The following ZNF519 variants were observed in gnomAD, a reference collection of about 807,000 sequenced individuals.
ZNF519 encodes the protein similar to Zinc finger protein 85 (Zinc finger protein HPF4) (HTF1).
Under a neutral mutation model 7.4 loss-of-function variants are expected in ZNF519, and 7 were observed. That is an observed-to-expected ratio of 0.94 (90% CI 0.54 to 1.77). The LOEUF is 1.77. ZNF519 is among the 40% of genes most tolerant of loss of function. The pLI is 0.00. For missense variants in ZNF519, 586 were observed against 623.1 expected, an observed-to-expected ratio of 0.94 and a Z score of 0.63; for synonymous variants, 179 against 203.3, an observed-to-expected ratio of 0.88 and a Z score of 1.02.
intron 2 of ZNF519, among the ~76,000 whole-genome samples, chr18:14,119,588 C>T (rs929022870): frequency 6.6e-6 from 1 of 152,090 alleles, no homozygotes; most frequent in Admixed American, 6.5e-5. Flanking sequence ...CTAATAAATG[C>T]ATTTATTAAA....
downstream of ZNF519, chr18:14,073,135 T>C (rs1273029400): frequency 6.6e-6 from 1 of 152,194 alleles, no homozygotes; most frequent in East Asian, 1.9e-4. Context: ...TATTACATGA[T>C]GATCAAACTG....
intron 2 of ZNF519, among the ~76,000 whole-genome samples, chr18:14,091,969 C>A (rs1472614959): frequency 2.0e-5 from 3 of 152,014 alleles, no homozygotes; most frequent in African/African-American, 7.3e-5. Flanking sequence ...GTGAAGGCCA[C>A]CAAGGGTCAG....
At chr18:14,114,084 A>G (rs1019378229) in intron 2 of ZNF519, among the ~76,000 whole-genome samples, 1 of 151,842 alleles carries the variant, frequency 6.6e-6, no homozygotes, top group African/African-American at 2.4e-5. Context: ...TCCATTTGGT[A>G]TGTTGTCTCT....
intron 2 of ZNF519, among the ~76,000 whole-genome samples, chr18:14,085,683 C>A (rs1456820794): frequency 6.6e-6 from 1 of 152,206 alleles, no homozygotes; most frequent in Non-Finnish European, 1.5e-5. Context: ...AGAAACACAA[C>A]CCACAGGAGG....
rs1178204388 is a variant in ZNF519, at chr18:14,105,900, A to G, written c.640T>C (p.Cys214Arg). 4 of 1,609,886 alleles carry G rather than the reference A, an allele frequency of 2.5e-6. No homozygotes were observed. In the South Asian group the frequency reaches 4.5e-5, roughly 18 times the overall value. Residue 214 changes from cysteine to arginine, a missense_variant, in exon 3 of 3, where the codon TGT becomes CGT. By Grantham distance (180) the Cys-to-Arg change is radical. Transcript: ENST00000590202. ...GAGAATGGGTCAGAAGTTTCACCAC[A>G]TTCATTAGAGTTGTAAGGCTTTTTT... is the stretch of plus-strand genomic sequence containing the variant. ...IQKKPYNSNE[C>R]GETSDPFSKL...
intron 2 of ZNF519, among the ~76,000 whole-genome samples, chr18:14,108,411 G>A (rs1348361962): frequency 6.6e-6 from 1 of 152,056 alleles, no homozygotes; most frequent in Non-Finnish European, 1.5e-5. Context: ...GAACCAGTCA[G>A]CATGCATTCC....
chr18:14,106,182 C>A lies in ZNF519; in HGVS notation c.358G>T (p.Glu120Ter), dbSNP rs1321808650. The change falls in exon 3 of 3, where the codon GAA becomes TAA. Residue 120 changes from glutamate to a stop codon, truncating the protein, a stop_gained. Transcript: ENST00000590202. LOFTEE classifies it low-confidence loss of function (END_TRUNC). ...NKHLTVKGDK[E>*]YRIFQKKPQF... ...GGCTTCTTCTGAAATATTCTATATT[C>A]TTTGTCTCCTTTCACAGTTAAATGT... 1 of 1,612,318 alleles carries A rather than the reference C, an allele frequency of 6.2e-7. No individual in the cohort carries two copies. The highest frequency in any genetic ancestry group is 8.5e-7 in the Non-Finnish European group (1 of 1,179,566).
At chr18:14,129,531 G>A (rs1807785808) in intron 1 of ZNF519, among the ~76,000 whole-genome samples, 1 of 152,140 alleles carries the variant, frequency 6.6e-6, no homozygotes, top group Non-Finnish European at 1.5e-5. Context: ...CGACAAGCCT[G>A]TGTGCAGAAC....
chr18:14,106,589 G>T, intron 2 of ZNF519, 180 bp from the exon 3 acceptor site: 1 of 450,084 alleles, frequency 2.2e-6, no homozygotes. Context: ...CCCCTGCAAG[G>T]TCACCAATTT....
chr18:14,099,597 T>C (rs550316378), downstream of ZNF519, among the ~76,000 whole-genome samples: 1 of 152,358 alleles, frequency 6.6e-6, no homozygotes, highest in South Asian at 2.1e-4. Flanking sequence ...ATACAAGAGA[T>C]GTTCATCCTA....
At chr18:14,099,644 A>AT (rs749653282), downstream of ZNF519, among the ~76,000 whole-genome samples, 4 of 152,212 alleles carry the variant, frequency 2.6e-5, no homozygotes, top group Non-Finnish European at 4.4e-5. Flanking sequence ...AGGCCATGAT[A>AT]TTTTAACACA....
intron 1 of ZNF519, among the ~76,000 whole-genome samples, chr18:14,130,385 T>C (rs1323932705): frequency 1.3e-5 from 2 of 152,170 alleles, no homozygotes; most frequent in Non-Finnish European, 2.9e-5. Context: ...TCTAATCTTA[T>C]TTGCTCTTTC....
chr18:14,113,761 G>A (rs1439948046), intron 2 of ZNF519, among the ~76,000 whole-genome samples: 1 of 149,576 alleles, frequency 6.7e-6, no homozygotes, highest in African/African-American at 2.5e-5. Context: ...TCCCCACCAA[G>A]AGAGTACTAG....
intron 3 of ZNF519, among the ~76,000 whole-genome samples, chr18:14,084,015 C>A (rs2046080234): frequency 6.6e-6 from 1 of 152,128 alleles, no homozygotes; most frequent in Admixed American, 6.5e-5. Context: ...CCCCAAATGG[C>A]CTCTTCACAG....
chr18:14,078,100 G>A (rs2046055485), intron 4 of ZNF519: 1 of 152,178 alleles, frequency 6.6e-6, no homozygotes, highest in Admixed American at 6.5e-5. Flanking sequence ...CACATGAGCA[G>A]TTCACAATAG....
rs1446815163 is a variant in ZNF519, at chr18:14,104,532, T to TG, written c.*384dup. ...CAGAGACAGCAATAATCAACCACAG[T>TG]GGGGAAAAAAAAGGTTAATTTGAAT... On this transcript the variant is annotated 3_prime_UTR_variant, in exon 3 of 3. Coordinates refer to ENST00000590202, the MANE Select transcript of ZNF519 (RefSeq NM_145287.4). The TG allele has an allele frequency of 1.2e-5, 2 of 160,452 alleles. No homozygotes were observed. Among genetic ancestry groups the TG allele is most frequent in the African/African-American group, 2.4e-5 (1 of 41,620 alleles). The allele number at this position is 160,452 out of a possible 1,614,324, so 9.9% of individuals were successfully genotyped here.
Position 14,124,330 on chromosome 18 carries a change from T to C in ZNF519, c.130+20A>G, listed in dbSNP as rs760126435. ...AACTCTGAGGGAGAATTAGGAATTA[T>C]GTATTGAAGTTATTCTCACCCAGGG... On this transcript the variant is annotated intron_variant, in intron 2 of 2. Transcript: ENST00000590202. The C allele has an allele frequency of 1.3e-5, 20 of 1,579,540 alleles. No homozygotes were observed. In the African/African-American group the frequency reaches 2.5e-4, roughly 20 times the overall value.
rs537188349 is a variant in ZNF519 at position 14,113,527 on chromosome 18, T to A, written c.131-7118A>T. ...CTTGAGGCTGTGTCATAGGTGTGCA[T>A]CCTTCACTTTGGTAAAATAAACTAC... is the stretch of plus-strand genomic sequence containing the variant. On this transcript the variant is annotated intron_variant, in intron 2 of 2. Coordinates refer to ENST00000590202, the MANE Select transcript of ZNF519 (RefSeq NM_145287.4). Among the ~76,000 whole-genome samples the A allele has an allele frequency of 3.3e-5, 5 of 152,296 alleles. No homozygotes were observed. In the East Asian group the frequency reaches 9.6e-4, roughly 29 times the overall value.
intron 3 of ZNF519, among the ~76,000 whole-genome samples, chr18:14,083,454 T>C (rs2046077690): frequency 6.6e-6 from 1 of 152,204 alleles, no homozygotes; most frequent in Non-Finnish European, 1.5e-5. Context: ...ATGGATATTC[T>C]GTCAATGATT....
Sources: allele counts gnomAD v4.1 joint callset (sites outside exome capture counted in the v4.1 genomes callset), GRCh38; gene constraint gnomAD v4.1.1; transcripts MANE v1.5; gene names NCBI Gene and HGNC (gene_info 2026-07-23, HGNC 2026-07-21).